Variants in ASCC3 observed in about 807,000 individuals in gnomAD.
ASCC3 encodes the protein ASC-1 complex subunit P200.
In ASCC3, 158 loss-of-function variants were observed where a neutral mutation model predicts 256.3. The ratio of observed to expected loss-of-function variants is 0.62; its 90% CI spans 0.54 to 0.70. The LOEUF is 0.70. Among genes scored for constraint, ASCC3 ranks in the 30% least tolerant of loss-of-function variants. ASCC3 has a pLI of 0.00. For missense variants in ASCC3, 2,259 were observed against 2,626.0 expected (o/e 0.86, Z 3.05); for synonymous variants, 948 against 883.4 (o/e 1.07, Z -1.30).
Position 100,725,575 on chromosome 6 carries a change from T to C in ASCC3, c.1866A>G (p.Pro622=), listed in dbSNP as rs1220173828. ...EVHLLHEDRG[P]VLESIVARTL... ...TACGGGCAACTATGCTTTCTAATAC[T>C]GGTCCTCTATCTTCATGCAGCAAAT... The change falls in exon 11 of 42, where the codon CCA becomes CCG. Residue 622 remains proline (P), a synonymous_variant. Transcript: ENST00000369162. 8 of 1,612,698 alleles carry C rather than the reference T, an allele frequency of 5.0e-6. No homozygotes were observed. The highest frequency in any genetic ancestry group is 1.1e-5 in the South Asian group (1 of 91,064).
At chr6:100,654,769 C>T (rs1775833342) in intron 17 of ASCC3, among the ~76,000 whole-genome samples, 1 of 151,958 alleles carries the variant, frequency 6.6e-6, no homozygotes, top group African/African-American at 2.4e-5. Context: ...TTAACAGCCT[C>T]AGAACTAATT....
rs1352581263 is a variant in ASCC3 at position 100,512,776 on chromosome 6, T to A, written c.6218A>T (p.Lys2073Ile). ...CACATACTCTTGGTCAGCATGCAAT[T>A]TGATCCATTTGTTGTCATCTCGTTT... The part of the protein sequence containing the change: ...ADKRDDNKWI[K>I]LHADQEYVLQ... Residue 2073 changes from lysine (K) to isoleucine (I), a missense_variant, in exon 40 of 42, where the codon AAA (lysine) becomes ATA (isoleucine). By Grantham distance (102) the Lys-to-Ile change is moderately radical. Coordinates refer to ENST00000369162, the MANE Select transcript of ASCC3 (RefSeq NM_006828.4). 6.2e-7 allele frequency: 1 copy of A among 1,614,028 alleles called. No homozygotes were observed. The highest frequency in any genetic ancestry group is 1.7e-5 in the Admixed American group (1 of 60,004).
At chr6:100,647,531 G>C in intron 20 of ASCC3, 80 bp from the exon 21 acceptor site, 1 of 1,296,336 alleles carries the variant, frequency 7.7e-7, no homozygotes, top group South Asian at 1.2e-5. Context: ...TTCAAACTCA[G>C]TCTGAAAAGA....
chr6:100,515,706 G>T (rs1216108346), intron 39 of ASCC3, among the ~76,000 whole-genome samples: 1 of 152,094 alleles, frequency 6.6e-6, no homozygotes, highest in Admixed American at 6.6e-5. Context: ...TATAATAAGA[G>T]AGGGGCATAA....
chr6:100,548,633 G>A (rs1276826440), intron 36 of ASCC3, among the ~76,000 whole-genome samples: 2 of 151,864 alleles, frequency 1.3e-5, no homozygotes, highest in South Asian at 2.1e-4. Flanking sequence ...AGTGCTATGA[G>A]GAAGAGATAC....
intron 30 of ASCC3, among the ~76,000 whole-genome samples, chr6:100,619,686 A>G (rs1361764909): frequency 1.3e-5 from 2 of 152,142 alleles, no homozygotes; most frequent in Non-Finnish European, 2.9e-5. Flanking sequence ...AGTGGTCTCT[A>G]ATCATTTTCT....
chr6:100,572,082 T>C (rs1369784148), intron 36 of ASCC3, among the ~76,000 whole-genome samples: 4 of 152,178 alleles, frequency 2.6e-5, no homozygotes, highest in African/African-American at 7.2e-5. Context: ...AATCTCTATA[T>C]AGACGATGCT....
In ASCC3 at chr6:100,512,826, G is replaced by C. The variant is rs1461486832; in HGVS notation, c.6168C>G (p.Leu2056=). The C allele has an allele frequency of 6.2e-7, 1 of 1,614,072 alleles. No homozygotes were observed. Among genetic ancestry groups the C allele is most frequent in the African/African-American group, 1.3e-5 (1 of 75,030 alleles). The change falls in exon 40 of 42, where the codon CTC becomes CTG. Residue 2056 remains leucine, a synonymous_variant. Coordinates refer to ENST00000369162, the MANE Select transcript of ASCC3 (RefSeq NM_006828.4). ...TGTCTGCAGTCAGAGTTGAGACAGA[G>C]AGTTCATTATGTCCTTCAACTAAGT... is the stretch of plus-strand genomic sequence containing the variant. ...WDDLVEGHNE[L]SVSTLTADKR... is the part of the protein sequence containing the mutation.
chr6:100,873,524 G>T (rs1299238969), intron 1 of ASCC3, among the ~76,000 whole-genome samples: 2 of 152,044 alleles, frequency 1.3e-5, no homozygotes, highest in African/African-American at 4.8e-5. Context: ...GACATTCAAA[G>T]AACACCTGGG....
intron 10 of ASCC3, among the ~76,000 whole-genome samples, chr6:100,733,380 T>C (rs1182435509): frequency 1.3e-5 from 2 of 152,104 alleles, no homozygotes; most frequent in African/African-American, 4.8e-5. Context: ...CCCTTATGAA[T>C]ACATTAATGC....
At chr6:100,673,456 C>T (rs1776854251) in intron 14 of ASCC3, among the ~76,000 whole-genome samples, 1 of 151,888 alleles carries the variant, frequency 6.6e-6, no homozygotes, top group Non-Finnish European at 1.5e-5. Flanking sequence ...CAGCATGATT[C>T]CTTAACAAGA....
intron 3 of ASCC3, among the ~76,000 whole-genome samples, chr6:100,860,141 A>T (rs769350276): frequency 5.3e-5 from 8 of 152,016 alleles, no homozygotes; most frequent in Admixed American, 2.0e-4. Context: ...ACTGATTACT[A>T]GTCTCAGTCT....
At chr6:100,576,325 G>A (rs1458228928) in intron 36 of ASCC3, among the ~76,000 whole-genome samples, 1 of 151,986 alleles carries the variant, frequency 6.6e-6, no homozygotes, top group Non-Finnish European at 1.5e-5. Flanking sequence ...TATTTTGTTA[G>A]TACTTAAGCT....
At chr6:100,868,141 A>T in intron 1 of ASCC3, 103 bp from the exon 2 acceptor site, 2 of 679,272 alleles carry the variant, frequency 2.9e-6, no homozygotes, top group Non-Finnish European at 5.2e-6. Context: ...AAAATTGGTT[A>T]AAAAGCAATT....
At chr6:100,712,769 T>C (rs1444377221) in intron 13 of ASCC3, among the ~76,000 whole-genome samples, 2 of 140,944 alleles carry the variant, frequency 1.4e-5, no homozygotes, top group East Asian at 4.1e-4. Context: ...TTTTTTTTTT[T>C]TTTTTTGAGA....
chr6:100,727,886 T>G (rs919477123), intron 10 of ASCC3, among the ~76,000 whole-genome samples: 1 of 152,084 alleles, frequency 6.6e-6, no homozygotes, highest in African/African-American at 2.4e-5. Flanking sequence ...GAAAAAAATT[T>G]TCTATACCTG....
intron 34 of ASCC3, among the ~76,000 whole-genome samples, chr6:100,600,409 G>A (rs895387611): frequency 6.6e-6 from 1 of 152,090 alleles, no homozygotes; most frequent in African/African-American, 2.4e-5. Flanking sequence ...TTCTAATCCT[G>A]TAATGTGTTT....
intron 36 of ASCC3, among the ~76,000 whole-genome samples, chr6:100,544,024 C>T (rs530382088): frequency 1.2e-3 from 190 of 152,122 alleles, no homozygotes; most frequent in African/African-American, 4.5e-3. Flanking sequence ...AGACAGATCT[C>T]TGGAAAATCC....
chr6:100,602,440 G>A (rs1036755977), intron 33 of ASCC3, among the ~76,000 whole-genome samples: 6 of 151,916 alleles, frequency 3.9e-5, no homozygotes, highest in Admixed American at 1.3e-4. Flanking sequence ...AAATTGCTAG[G>A]TGTAAAATAA....
Sources: gnomAD v4.1 joint callset for allele counts (sites outside exome capture counted in the v4.1 genomes callset) on GRCh38, gnomAD v4.1.1 for gene constraint, MANE v1.5 for transcripts, NCBI Gene and HGNC (gene_info 2026-07-23, HGNC 2026-07-21) for gene names.